The following ARHGAP8 variants were observed in gnomAD, a reference collection of about 807,000 sequenced individuals.
The protein encoded by ARHGAP8 is rho GTPase-activating protein 8.
Under a neutral mutation model 46.1 loss-of-function variants are expected in ARHGAP8, and 62 were observed. The ratio of observed to expected loss-of-function variants is 1.34; its 90% CI spans 1.10 to 1.66. The LOEUF is 1.66. ARHGAP8 is among the 40% of genes most tolerant of loss of function. The pLI is 0.00. For synonymous variants in ARHGAP8, 375 were observed against 243.1 expected (o/e 1.54, Z -5.05); for missense variants, 923 against 568.4 (o/e 1.62, Z -6.34).
At chr22:44,862,068 A>C (rs1022809520) in intron 11 of ARHGAP8, among the ~76,000 whole-genome samples, 5 of 152,204 alleles carry the variant, frequency 3.3e-5, no homozygotes, top group African/African-American at 9.6e-5. Context: ...CCTCCAGGAC[A>C]TGGAGGCCAA....
In ARHGAP8 at chr22:44,862,632, A is replaced by C. The variant is rs758923184; in HGVS notation, c.*37A>C. The C allele has an allele frequency of 3.9e-5, 59 of 1,522,422 alleles. No individual in the cohort carries two copies. Among genetic ancestry groups the C allele is most frequent in the African/African-American group, 1.8e-4 (13 of 72,288 alleles). 94.3% of individuals were successfully genotyped at this position (1,522,422 alleles called of 1,614,324 possible). ...CTCTGTATATTTCGAGCTACCTCCCACACCTGTCTGTGCACTTGTATGTTT... is the reference window on the plus strand; with the variant it reads ...CTCTGTATATTTCGAGCTACCTCCCCCACCTGTCTGTGCACTTGTATGTTT... On this transcript the variant is annotated 3_prime_UTR_variant, in exon 12 of 12. Coordinates refer to ENST00000356099, the MANE Select transcript of ARHGAP8 (RefSeq NM_181335.3).
chr22:44,840,644 C>T (rs1054223539), intron 7 of ARHGAP8, among the ~76,000 whole-genome samples: 13 of 152,144 alleles, frequency 8.5e-5, no homozygotes, highest in Admixed American at 7.9e-4. Flanking sequence ...TCGCTGGGCC[C>T]GTTTGTTCAG....
intron 8 of ARHGAP8, among the ~76,000 whole-genome samples, chr22:44,846,853 C>A (rs1409634335): frequency 6.6e-6 from 1 of 151,812 alleles, no homozygotes; most frequent in Non-Finnish European, 1.5e-5. Context: ...GGAGAAGGCC[C>A]TGCCAGACCG....
At chr22:44,822,261 A>G in intron 5 of ARHGAP8, 110 bp from the exon 6 acceptor site, 1 of 867,094 alleles carries the variant, frequency 1.2e-6, no homozygotes, top group East Asian at 2.9e-5. Context: ...TTTTCTTAAT[A>G]TGAAAAATGC....
intron 2 of ARHGAP8, among the ~76,000 whole-genome samples, chr22:44,796,580 TG>T (rs34176395): frequency 0.27 from 40,889 of 151,594 alleles, 6,445 homozygotes; most frequent in African/African-American, 0.44. Context: ...GAAGCTTCAA[TG>T]GGGGCCCTGG....
intron 2 of ARHGAP8, among the ~76,000 whole-genome samples, chr22:44,787,689 GC>G (rs909920454): frequency 3.0e-4 from 46 of 152,162 alleles, no homozygotes; most frequent in African/African-American, 9.9e-4. Flanking sequence ...TCTCCCATGG[GC>G]AGTGAGTCCA....
At chr22:44,857,137 TGC>T (rs2070248730) in intron 10 of ARHGAP8, among the ~76,000 whole-genome samples, 2 of 125,684 alleles carry the variant, frequency 1.6e-5, no homozygotes, top group African/African-American at 7.0e-5. Flanking sequence ...ATGGGGTTTC[TGC>T]ATGTTGGTCA....
chr22:44,840,972 C>T (rs1017887406), intron 7 of ARHGAP8, among the ~76,000 whole-genome samples: 4 of 152,178 alleles, frequency 2.6e-5, no homozygotes, highest in African/African-American at 4.8e-5. Flanking sequence ...GAGTACCTGC[C>T]GTGCCAGGCA....
intron 4 of ARHGAP8, chr22:44,808,798 T>C (rs1929126659): frequency 1.1e-5 from 4 of 372,066 alleles, no homozygotes; most frequent in African/African-American, 2.5e-5. Flanking sequence ...ACCCTGTCTC[T>C]AGTAAAAATA....
rs111862398 is a variant in ARHGAP8, at chr22:44,859,833, C to G, written c.980C>G (p.Ala327Gly). ...CGCTACCTCATGGGCTTCCTGCATG[C>G]GGTGAGTGGGGAAGGGGGGAGCTTG... ...VLRYLMGFLH[A>G]VSRESIFNKM... Residue 327 changes from alanine to glycine, a missense_variant and splice_region_variant, in exon 11 of 12, where the codon GCG (alanine) becomes GGG (glycine). Ala to Gly is a moderately conservative substitution (Grantham distance 60). Transcript: ENST00000356099. 4.3e-5 allele frequency: 69 copies of G among 1,613,240 alleles called. No individual in the cohort carries two copies. In the African/African-American group the frequency reaches 7.6e-4, roughly 18 times the overall value.
intron 10 of ARHGAP8, among the ~76,000 whole-genome samples, chr22:44,857,814 C>T (rs772975107): frequency 1.3e-5 from 2 of 151,690 alleles, no homozygotes; most frequent in Non-Finnish European, 2.9e-5. Context: ...CTTTCCTCCT[C>T]TCTCTACACT....
intron 3 of ARHGAP8, among the ~76,000 whole-genome samples, chr22:44,806,337 G>C (rs895488312): frequency 2.6e-5 from 4 of 152,186 alleles, no homozygotes; most frequent in Non-Finnish European, 4.4e-5. Flanking sequence ...CTTCCACAAC[G>C]GGTGAGCTGA....
At position 44,859,846 on chromosome 22, in the gene ARHGAP8, A is replaced by T; in HGVS notation, c.981+12A>T. ...GCTTCCTGCATGCGGTGAGTGGGGA[A>T]GGGGGGAGCTTGGGGTGAAGCCCAG... is the stretch of plus-strand genomic sequence containing the variant. On this transcript the variant is annotated intron_variant, in intron 11 of 11. Coordinates refer to ENST00000356099, the MANE Select transcript of ARHGAP8 (RefSeq NM_181335.3). 6.2e-7 allele frequency: 1 copy of T among 1,612,496 alleles called. No individual in the cohort carries two copies. Among genetic ancestry groups the T allele is most frequent in the East Asian group, 2.2e-5 (1 of 44,836 alleles).
chr22:44,810,259 T>TG (rs1555913805), intron 4 of ARHGAP8, among the ~76,000 whole-genome samples: 197 of 131,574 alleles, frequency 1.5e-3, no homozygotes, highest in African/African-American at 5.0e-3. Context: ...TTTTTTTTTT[T>TG]GAGACAGAGT....
intron 7 of ARHGAP8, among the ~76,000 whole-genome samples, chr22:44,832,908 C>G (rs1348789407): frequency 2.0e-5 from 3 of 152,110 alleles, no homozygotes; most frequent in Non-Finnish European, 4.4e-5. Flanking sequence ...GGGAGGATCA[C>G]TTGAGGCCGG....
chr22:44,803,601 G>T, intron 3 of ARHGAP8, among the ~76,000 whole-genome samples: 1 of 132,592 alleles, frequency 7.5e-6, no homozygotes, highest in Middle Eastern at 4.5e-3. Flanking sequence ...TACTGTGGCT[G>T]TCCTCTCTCC....
chr22:44,820,295 TC>T (rs1234302412), intron 5 of ARHGAP8, among the ~76,000 whole-genome samples: 1 of 151,846 alleles, frequency 6.6e-6, no homozygotes, highest in Non-Finnish European at 1.5e-5. Context: ...GCAGGACAGG[TC>T]AGGGAGGTTG....
intron 8 of ARHGAP8, among the ~76,000 whole-genome samples, chr22:44,846,526 G>A (rs2069960993): frequency 1.3e-5 from 2 of 152,202 alleles, no homozygotes; most frequent in African/African-American, 4.8e-5. Context: ...CCTCAGTCAC[G>A]ATGCTCAGCT....
intron 11 of ARHGAP8, among the ~76,000 whole-genome samples, chr22:44,861,557 T>G (rs140145767): frequency 5.3e-5 from 8 of 152,120 alleles, no homozygotes; most frequent in African/African-American, 7.2e-5. Flanking sequence ...CTCCCTCCAG[T>G]TCTCTGCTCT....
Sources: allele counts gnomAD v4.1 joint callset (sites outside exome capture counted in the v4.1 genomes callset), GRCh38; gene constraint gnomAD v4.1.1; transcripts MANE v1.5; gene names NCBI Gene and HGNC (gene_info 2026-07-23, HGNC 2026-07-21).